The following SLC27A1 variants were observed in gnomAD, a reference collection of about 807,000 sequenced individuals.
The protein encoded by SLC27A1 is long-chain fatty acid transport protein 1.
A neutral mutation model predicts 62.2 loss-of-function variants in SLC27A1; 61 were observed. The observed-to-expected ratio is 0.98, with a 90% confidence interval of 0.80 to 1.21. SLC27A1 has a LOEUF of 1.21. SLC27A1 is among the 50% of genes most tolerant of loss of function. The probability of loss-of-function intolerance (pLI) is 0.00; values close to 1 mark genes in which losing one functional copy is unlikely to be tolerated. For synonymous variants in SLC27A1, 435 were observed against 408.6 expected (o/e 1.06, Z -0.78); for missense variants, 903 against 932.1 (o/e 0.97, Z 0.41).
intron 6 of SLC27A1, among the ~76,000 whole-genome samples, chr19:17,493,427 C>CA (rs769247313): frequency 0.54 from 38,766 of 72,134 alleles, 11,375 homozygotes; most frequent in Non-Finnish European, 0.61. Context: ...AACTCCATCT[C>CA]AAAAAAAAAA....
At chr19:17,494,929 T>G (rs1027769659) in intron 6 of SLC27A1, among the ~76,000 whole-genome samples, 1 of 151,572 alleles carries the variant, frequency 6.6e-6, no homozygotes, top group African/African-American at 2.4e-5. Flanking sequence ...ACGGTCTATT[T>G]AGATCAGATA....
chr19:17,489,258 T>G (rs2075271469), intron 6 of SLC27A1, 141 bp downstream of exon 6: 2 of 675,686 alleles, frequency 3.0e-6, no homozygotes, highest in Admixed American at 5.3e-5. Flanking sequence ...TCCCGTCCTC[T>G]CCCAGCCAGG....
chr19:17,498,213 T>C (rs1243624303), intron 7 of SLC27A1: 1 of 151,136 alleles, frequency 6.6e-6, no homozygotes, highest in Non-Finnish European at 1.5e-5. Flanking sequence ...CTACAGAAAA[T>C]AAAAAATTAG....
rs775349681 is a variant in SLC27A1 at position 17,501,288 on chromosome 19, C to T, written c.1652C>T (p.Ala551Val). 40 of 1,613,368 alleles carry T rather than the reference C, an allele frequency of 2.5e-5. No individual in the cohort carries two copies. Among genetic ancestry groups the T allele is most frequent in the Admixed American group, 3.3e-5 (2 of 59,980 alleles). Residue 551 changes from alanine to valine, a missense_variant, in exon 11 of 12, where the codon GCA (alanine) becomes GTA (valine). Coordinates refer to ENST00000252595, the MANE Select transcript of SLC27A1 (RefSeq NM_198580.3). ...GVAVPGVEGK[A>V]GMAAVADPHS... The stretch of plus-strand genomic sequence containing the variant: ...CTGCCTCCAGGAGTGGAGGGTAAGG[C>T]AGGGATGGCGGCCGTCGCAGACCCC...
In SLC27A1 at chr19:17,486,502, C is replaced by T; in HGVS notation, c.168-61C>T. Reference sequence around the variant, plus strand: ...GGGTCCTCCAGCGGGGAGGCTGAGGCTCCCAGAGGCCAGGCGGGGCAGGGC... The same window carrying T: ...GGGTCCTCCAGCGGGGAGGCTGAGGTTCCCAGAGGCCAGGCGGGGCAGGGC... On this transcript the variant is annotated intron_variant, in intron 1 of 11. Coordinates refer to ENST00000252595, the MANE Select transcript of SLC27A1 (RefSeq NM_198580.3). The surrounding 1 kb of genome is among the most constrained non-coding windows in gnomAD (Gnocchi z 6.6). 6.7e-7 allele frequency: 1 copy of T among 1,493,306 alleles called. No homozygotes were observed. Among genetic ancestry groups the T allele is most frequent in the Non-Finnish European group, 8.9e-7 (1 of 1,123,056 alleles). 92.5% of individuals were successfully genotyped at this position (1,493,306 alleles called of 1,614,324 possible). A position where few individuals can be genotyped will look rare whatever the true frequency, so the allele number is the denominator to read the frequency against.
At chr19:17,476,032 G>A (rs117501055) in intron 1 of SLC27A1, among the ~76,000 whole-genome samples, 4,410 of 152,304 alleles carry the variant, frequency 0.029, 109 homozygotes, top group Middle Eastern at 0.051. Context: ...TGTTTAGCCT[G>A]ACGGTGACCA....
At chr19:17,477,009 C>T in intron 1 of SLC27A1, among the ~76,000 whole-genome samples, 1 of 151,080 alleles carries the variant, frequency 6.6e-6, no homozygotes, top group Non-Finnish European at 1.5e-5. Flanking sequence ...ATGGCTCAGC[C>T]TCCCAAGTAG....
rs531068670 is a variant in SLC27A1 at position 17,471,193 on chromosome 19, A to C, written c.167+486A>C. ...ATAGTCTCTGGGGGGTTGCCAAGAC[A>C]CTTTGGGTCTATCTAGGGCTTTCTC... On this transcript the variant is annotated intron_variant, in intron 1 of 11. Coordinates refer to ENST00000252595, the MANE Select transcript of SLC27A1 (RefSeq NM_198580.3). Among the ~76,000 whole-genome samples, 32 of 151,944 alleles carry C rather than the reference A, an allele frequency of 2.1e-4. 1 individual carries two copies. The South Asian group carries it at 6.0e-3, about 29-fold the overall frequency.
chr19:17,483,236 G>A (rs2075198007), intron 1 of SLC27A1, among the ~76,000 whole-genome samples: 1 of 152,184 alleles, frequency 6.6e-6, no homozygotes, highest in South Asian at 2.1e-4. Context: ...AGGTGACAGG[G>A]AGGGCTCCCA....
At chr19:17,489,398 G>C (rs1281619251) in intron 6 of SLC27A1, among the ~76,000 whole-genome samples, 1 of 152,238 alleles carries the variant, frequency 6.6e-6, no homozygotes, top group East Asian at 1.9e-4. Flanking sequence ...TGGCTGTTCA[G>C]GATGGGGACA....
Position 17,484,301 on chromosome 19 carries a change from G to A in SLC27A1, c.168-2262G>A, listed in dbSNP as rs569674288. 3.9e-5 allele frequency among the ~76,000 whole-genome samples: 6 copies of A among 152,226 alleles called. No homozygotes were observed. In the East Asian group the frequency reaches 5.8e-4, roughly 15 times the overall value. ...AAAGAGTGAAGGAGATAATAAATAA[G>A]GATGGAATGAGACCAGATGCGGTGG... On this transcript the variant is annotated intron_variant, in intron 1 of 11. Coordinates refer to ENST00000252595, the MANE Select transcript of SLC27A1 (RefSeq NM_198580.3).
Position 17,486,591 on chromosome 19 carries a change from C to T in SLC27A1, c.196C>T (p.Leu66=), listed in dbSNP as rs764208174. 6.3e-7 allele frequency: 1 copy of T among 1,593,516 alleles called. No individual in the cohort carries two copies. Among genetic ancestry groups the T allele is most frequent in the Non-Finnish European group, 8.5e-7 (1 of 1,176,948 alleles). The stretch of plus-strand genomic sequence containing the variant: ...TCTCTCTGTGCTGATCCGCGTGCGC[C>T]TGGAGCTGCGGCGGCACCAGCGTGC... ...FGLSVLIRVR[L]ELRRHQRAGH... is the part of the protein sequence containing the mutation. The change falls in exon 2 of 12, where the codon CTG becomes TTG. Residue 66 remains leucine (L), a synonymous_variant. Transcript: ENST00000252595. This position sits in a 1 kb window ranked among gnomAD's most constrained non-coding sequence, Gnocchi z 6.6.
chr19:17,478,478 A>AAG (rs2051787694), intron 1 of SLC27A1, among the ~76,000 whole-genome samples: 1 of 150,772 alleles, frequency 6.6e-6, no homozygotes, highest in African/African-American at 2.4e-5. Flanking sequence ...AAAAAAAAAA[A>AAG]AAAAAAAAGG....
intron 7 of SLC27A1, chr19:17,498,982 C>G (rs934660166): frequency 6.5e-6 from 1 of 153,422 alleles, no homozygotes; most frequent in African/African-American, 2.4e-5. Flanking sequence ...AACATGAAGG[C>G]GGACTAGGAG....
At chr19:17,494,532 G>A (rs1316538532) in intron 6 of SLC27A1, among the ~76,000 whole-genome samples, 20 of 149,298 alleles carry the variant, frequency 1.3e-4, no homozygotes, top group African/African-American at 4.7e-4. Flanking sequence ...TCACCATGTT[G>A]GCCAGGCTGG....
Position 17,488,881 on chromosome 19 carries a change from C to G in SLC27A1, c.828C>G (p.Ala276=). 1 of 1,614,066 alleles carries G rather than the reference C, an allele frequency of 6.2e-7. No individual in the cohort carries two copies. The highest frequency in any genetic ancestry group is 8.5e-7 in the Non-Finnish European group (1 of 1,180,010). The change falls in exon 5 of 12, where the codon GCC becomes GCG. Residue 276 remains alanine, a synonymous_variant. Transcript: ENST00000252595. ...GCATGGCAGCCTTCGGCCACCACGC[C>G]TACCGCATGCAGGCGGCTGACGTGC... ...YYRMAAFGHH[A]YRMQAADVLY... is the part of the protein sequence containing the mutation.
chr19:17,470,379 G>A (rs931412502), upstream of SLC27A1: 1 of 849,906 alleles, frequency 1.2e-6, no homozygotes, highest in African/African-American at 1.8e-5. Context: ...CCAGGCCTGG[G>A]GGCGGAGTCT....
chr19:17,479,755 T>G (rs2075157906), intron 1 of SLC27A1, among the ~76,000 whole-genome samples: 1 of 152,120 alleles, frequency 6.6e-6, no homozygotes, highest in African/African-American at 2.4e-5. Flanking sequence ...GTGATTCTTG[T>G]GCCTCACACT....
At chr19:17,502,214 G>C (rs1368850792) in intron 11 of SLC27A1, among the ~76,000 whole-genome samples, 2 of 152,044 alleles carry the variant, frequency 1.3e-5, no homozygotes, top group Non-Finnish European at 2.9e-5. Context: ...TCCTGGGACT[G>C]ACACAAGGGC....
Sources: allele counts gnomAD v4.1 joint callset (sites outside exome capture counted in the v4.1 genomes callset), GRCh38; gene constraint gnomAD v4.1.1; non-coding constraint Gnocchi (gnomAD v3.1); transcripts MANE v1.5; gene names NCBI Gene and HGNC (gene_info 2026-07-23, HGNC 2026-07-21).